The following DISC1 variants were observed in gnomAD, a reference collection of about 807,000 sequenced individuals.
The protein encoded by DISC1 is disrupted in schizophrenia 1 protein.
DISC1 carries 57 observed loss-of-function variants against 84.5 expected under a neutral mutation model. That is an observed-to-expected ratio of 0.67 (90% CI 0.55 to 0.84). DISC1 has a LOEUF of 0.84. Among genes scored for constraint, DISC1 ranks in the 40% least tolerant of loss-of-function variants. DISC1 has a pLI of 0.00. For missense variants in DISC1, 1,000 were observed against 1,057.8 expected (o/e 0.95, Z 0.76); for synonymous variants, 411 against 415.2 (o/e 0.99, Z 0.12).
intron 6 of DISC1, among the ~76,000 whole-genome samples, chr1:231,790,597 C>A (rs562758354): frequency 6.6e-6 from 1 of 152,096 alleles, no homozygotes; most frequent in East Asian, 1.9e-4. Flanking sequence ...CGGCTCACTG[C>A]AAGCTCTGCC....
chr1:231,886,085 T>C (rs2086659302), intron 9 of DISC1, among the ~76,000 whole-genome samples: 1 of 152,154 alleles, frequency 6.6e-6, no homozygotes, highest in African/African-American at 2.4e-5. Flanking sequence ...AAGTTGTCCT[T>C]TTCTAATGAA....
chr1:231,635,822 A>G (rs183816504), intron 1 of DISC1, among the ~76,000 whole-genome samples: 1 of 152,314 alleles, frequency 6.6e-6, no homozygotes, highest in Admixed American at 6.5e-5. Context: ...TTATGTTTGT[A>G]TATATATGTG....
chr1:231,820,295 G>T (rs985649283), intron 9 of DISC1, among the ~76,000 whole-genome samples: 5 of 152,114 alleles, frequency 3.3e-5, no homozygotes, highest in Non-Finnish European at 7.4e-5. Flanking sequence ...ATTAAAATGT[G>T]ATAAAACTGG....
At chr1:231,855,235 T>C (rs1034284686) in intron 9 of DISC1, 1 of 986,068 alleles carries the variant, frequency 1.0e-6, no homozygotes, top group African/African-American at 1.7e-5. Flanking sequence ...CACTTTACAC[T>C]GTACTGTAAA....
chr1:231,756,231 C>A (rs1047602829), intron 4 of DISC1, among the ~76,000 whole-genome samples: 1 of 152,188 alleles, frequency 6.6e-6, no homozygotes, highest in Non-Finnish European at 1.5e-5. Context: ...AATATCCTTG[C>A]AAAGCTCTGC....
At chr1:231,988,140 C>T (rs1323072040) in intron 10 of DISC1, among the ~76,000 whole-genome samples, 5 of 152,094 alleles carry the variant, frequency 3.3e-5, no homozygotes, top group East Asian at 3.9e-4. Flanking sequence ...GAGCCGAGAT[C>T]GCGCCACTGC....
chr1:231,945,974 C>T (rs934963696), intron 9 of DISC1, among the ~76,000 whole-genome samples: 1 of 152,110 alleles, frequency 6.6e-6, no homozygotes, highest in African/African-American at 2.4e-5. Context: ...AATTAATAGC[C>T]TACCAACCAA....
intron 4 of DISC1, among the ~76,000 whole-genome samples, chr1:231,755,157 A>G (rs573133236): frequency 1.3e-5 from 2 of 151,518 alleles, no homozygotes; most frequent in South Asian, 4.2e-4. Context: ...TTCTTGCTAC[A>G]TTTCTGGCCA....
At chr1:231,944,756 G>A (rs1656805320) in intron 9 of DISC1, among the ~76,000 whole-genome samples, 1 of 152,196 alleles carries the variant, frequency 6.6e-6, no homozygotes, top group African/African-American at 2.4e-5. Context: ...AGCTGGCAAA[G>A]AGGCTTGCTT....
rs1667864618 is a variant in DISC1, at chr1:232,009,807, G to C, written c.2307+758G>C. ...ACCTGAGTCTTCAGAGCTCTTTGTT[G>C]GCCCAGGTTCACAGGTGTTGTGAGT... On this transcript the variant is annotated intron_variant, in intron 11 of 12. Coordinates refer to ENST00000439617, the MANE Select transcript of DISC1 (RefSeq NM_018662.3). This position sits in a 1 kb window ranked among gnomAD's most constrained non-coding sequence, Gnocchi z 4.6. 1.3e-5 allele frequency among the ~76,000 whole-genome samples: 2 copies of C among 152,068 alleles called. No individual in the cohort carries two copies.
intron 9 of DISC1, among the ~76,000 whole-genome samples, chr1:231,912,693 C>G (rs1277484840): frequency 6.6e-6 from 1 of 152,076 alleles, no homozygotes; most frequent in African/African-American, 2.4e-5. Context: ...GGAGAACCAC[C>G]ACTCTCTTCA....
In DISC1 at chr1:231,897,783, CT is replaced by C. The variant is rs1005379734; in HGVS notation, c.1982-61040del. Among the ~76,000 whole-genome samples the C allele has an allele frequency of 6.6e-6, 1 of 152,120 alleles. No homozygotes were observed. Among genetic ancestry groups the C allele is most frequent in the Non-Finnish European group, 1.5e-5 (1 of 68,024 alleles). ...GATAGAGCTTTGTCTGTCATTTGCT[CT>C]TTTTGGGTTAGCTTAAGCTAGGGAT... On this transcript the variant is annotated intron_variant, in intron 9 of 12. Transcript: ENST00000439617. The surrounding 1 kb of genome is among the most constrained non-coding windows in gnomAD (Gnocchi z 4.5).
intron 11 of DISC1, among the ~76,000 whole-genome samples, chr1:232,015,504 C>G (rs910684184): frequency 1.4e-4 from 21 of 152,050 alleles, no homozygotes; most frequent in African/African-American, 4.8e-4. Flanking sequence ...CTGGGAGTAG[C>G]TGAGAATTTT....
chr1:231,674,733 C>G (rs141712373), intron 1 of DISC1, among the ~76,000 whole-genome samples: 1 of 152,196 alleles, frequency 6.6e-6, no homozygotes, highest in Non-Finnish European at 1.5e-5. Context: ...GTATGGCCTT[C>G]GTGGCCATGT....
chr1:231,758,358 AT>A (rs111791124), intron 4 of DISC1, among the ~76,000 whole-genome samples: 8 of 149,454 alleles, frequency 5.4e-5, no homozygotes, highest in East Asian at 2.0e-4. Context: ...AATCTAGTGG[AT>A]TTTTTTTTTC....
At chr1:232,011,803 C>T (rs1668042000) in intron 11 of DISC1, among the ~76,000 whole-genome samples, 1 of 151,422 alleles carries the variant, frequency 6.6e-6, no homozygotes, top group Non-Finnish European at 1.5e-5. Flanking sequence ...TAAATGTCTA[C>T]CTATTTAAAA....
intron 9 of DISC1, among the ~76,000 whole-genome samples, chr1:231,883,167 C>G (rs149472482): frequency 1.3e-5 from 2 of 152,270 alleles, no homozygotes; most frequent in African/African-American, 4.8e-5. Flanking sequence ...TCAAGAAATG[C>G]TCCCAAGAGA....
At chr1:231,858,599 G>A (rs187772866) in intron 9 of DISC1, among the ~76,000 whole-genome samples, 4 of 152,166 alleles carry the variant, frequency 2.6e-5, no homozygotes, top group Admixed American at 6.5e-5. Context: ...CCACACACTC[G>A]CTGGGTTAGA....
At chr1:231,713,631 CGAA>C (rs2068160957) in intron 3 of DISC1, among the ~76,000 whole-genome samples, 1 of 141,836 alleles carries the variant, frequency 7.1e-6, no homozygotes, top group Non-Finnish European at 1.5e-5. Flanking sequence ...GCAAAAGTAA[CGAA>C]GAGAAGTAAA....
Sources: gnomAD v4.1 joint callset for allele counts (sites outside exome capture counted in the v4.1 genomes callset) on GRCh38, gnomAD v4.1.1 for gene constraint, Gnocchi (gnomAD v3.1) non-coding constraint, MANE v1.5 for transcripts, NCBI Gene and HGNC (gene_info 2026-07-23, HGNC 2026-07-21) for gene names.